CRPPA: variants seen among roughly 807,000 people sequenced by gnomAD.
CRPPA encodes the protein CDP-L-ribitol pyrophosphorylase A, also known as D-ribitol-5-phosphate cytidylyltransferase.
Under a neutral mutation model 52.0 loss-of-function variants are expected in CRPPA, and 43 were observed. The observed-to-expected ratio is 0.83, with a 90% CI of 0.65 to 1.07. The LOEUF (loss-of-function observed/expected upper bound fraction) is 1.07. Among genes scored for constraint, CRPPA ranks in the 50% least tolerant of loss-of-function variants. The probability of loss-of-function intolerance (pLI) is 0.00; values close to 1 mark genes in which losing one functional copy is unlikely to be tolerated. For missense variants in CRPPA, 629 were observed against 551.7 expected, an observed-to-expected ratio of 1.14 and a Z score of -1.40; for synonymous variants, 250 against 203.5, an observed-to-expected ratio of 1.23 and a Z score of -1.94.
In CRPPA at chr7:16,258,968, A is replaced by C; in HGVS notation, c.978T>G (p.His326Gln). The change falls in exon 7 of 10, where the codon CAT becomes CAG. Residue 326 changes from histidine to glutamine, a missense_variant. Physicochemically the swap from His to Gln is conservative, Grantham distance 24. Transcript: ENST00000407010. ...TSEALGHAGR[H>Q]LQQIILDQCY... ...ATTGATCTAAGATGATTTGCTGAAG[A>C]TGTCTGCCAGCATGACCCAGAGCCT... The C allele has an allele frequency of 6.2e-7, 1 of 1,611,512 alleles. No individual in the cohort carries two copies. Among genetic ancestry groups the C allele is most frequent in the Non-Finnish European group, 8.5e-7 (1 of 1,178,542 alleles).
intron 5 of CRPPA, among the ~76,000 whole-genome samples, chr7:16,296,100 T>G (rs1784669304): frequency 6.6e-6 from 1 of 152,144 alleles, no homozygotes; most frequent in Non-Finnish European, 1.5e-5. Flanking sequence ...CAAATGAAAC[T>G]ACCACTTTCT....
intron 9 of CRPPA, among the ~76,000 whole-genome samples, chr7:16,210,337 A>T (rs540910012): frequency 6.1e-4 from 92 of 151,998 alleles, no homozygotes; most frequent in Non-Finnish European, 8.7e-4. Context: ...CCCAATGATA[A>T]CCCTTGTGTA....
chr7:16,259,858 T>C (rs759893317), intron 6 of CRPPA, among the ~76,000 whole-genome samples: 6 of 152,028 alleles, frequency 3.9e-5, no homozygotes, highest in Non-Finnish European at 7.4e-5. Flanking sequence ...ACTCTGTACA[T>C]TATCTATTTA....
chr7:16,400,436 C>G (rs535904853), intron 2 of CRPPA, among the ~76,000 whole-genome samples: 1 of 152,278 alleles, frequency 6.6e-6, no homozygotes, highest in East Asian at 1.9e-4. Flanking sequence ...ATATGATCGA[C>G]TTGTGATCAA....
At chr7:16,345,493 C>T (rs1221174399) in intron 3 of CRPPA, among the ~76,000 whole-genome samples, 1 of 151,878 alleles carries the variant, frequency 6.6e-6, no homozygotes, top group Admixed American at 6.6e-5. Flanking sequence ...CCTTTTATTG[C>T]CCTGATTTAT....
At chr7:16,398,467 A>G (rs551749895) in intron 2 of CRPPA, among the ~76,000 whole-genome samples, 20 of 152,138 alleles carry the variant, frequency 1.3e-4, no homozygotes, top group African/African-American at 4.3e-4. Flanking sequence ...CACGTGTGCG[A>G]TTGACATGAT....
At chr7:16,094,969 G>C (rs1008124113) in intron 9 of CRPPA, among the ~76,000 whole-genome samples, 3 of 152,050 alleles carry the variant, frequency 2.0e-5, no homozygotes, top group African/African-American at 7.2e-5. Context: ...TAGAACTATG[G>C]AAATCTCACT....
chr7:16,389,922 A>ATATATATATATATATATATATAT (rs1163713598), intron 2 of CRPPA, among the ~76,000 whole-genome samples: 1 of 62,262 alleles, frequency 1.6e-5, no homozygotes, highest in African/African-American at 7.0e-5. Context: ...ACAAAAAAAA[A>ATATATATATATATATATATATAT]AAAAAAATAT....
At chr7:16,126,011 T>C (rs1782572729) in intron 9 of CRPPA, among the ~76,000 whole-genome samples, 1 of 149,982 alleles carries the variant, frequency 6.7e-6, no homozygotes, top group South Asian at 2.1e-4. Flanking sequence ...TTCTGAGAAA[T>C]AGAAAAAAAT....
At chr7:16,120,651 G>A (rs908603663) in intron 9 of CRPPA, among the ~76,000 whole-genome samples, 1 of 152,004 alleles carries the variant, frequency 6.6e-6, no homozygotes, top group African/African-American at 2.4e-5. Context: ...TTTCCTTGCT[G>A]TATTCAAAGT....
chr7:16,327,142 A>G (rs1390433096), intron 3 of CRPPA, among the ~76,000 whole-genome samples: 1 of 152,146 alleles, frequency 6.6e-6, no homozygotes, highest in African/African-American at 2.4e-5. Context: ...TCAAACAAAC[A>G]GTTCTTTTGC....
At chr7:16,195,767 C>T (rs1389123197) in intron 9 of CRPPA, among the ~76,000 whole-genome samples, 1 of 152,154 alleles carries the variant, frequency 6.6e-6, no homozygotes, top group East Asian at 1.9e-4. Flanking sequence ...TTCTTGCCAT[C>T]ATGATTACAG....
At chr7:16,100,176 T>TTA (rs1782013473) in intron 9 of CRPPA, among the ~76,000 whole-genome samples, 1 of 152,216 alleles carries the variant, frequency 6.6e-6, no homozygotes, top group Admixed American at 6.5e-5. Flanking sequence ...AGTATAATCA[T>TTA]TATTATTTCT....
chr7:16,109,844 G>C (rs1027354719), intron 9 of CRPPA, among the ~76,000 whole-genome samples: 15 of 151,970 alleles, frequency 9.9e-5, no homozygotes, highest in African/African-American at 3.6e-4. Flanking sequence ...TTATGCCACA[G>C]CTAACAGTAT....
chr7:16,352,377 T>C (rs1338033759), intron 3 of CRPPA, among the ~76,000 whole-genome samples: 1 of 151,802 alleles, frequency 6.6e-6, no homozygotes, highest in Admixed American at 6.6e-5. Flanking sequence ...AACCTGCACA[T>C]TCTGCATATG....
intron 4 of CRPPA, among the ~76,000 whole-genome samples, chr7:16,306,112 C>T (rs1028427816): frequency 1.1e-4 from 17 of 152,270 alleles, no homozygotes; most frequent in Middle Eastern, 3.4e-3. Flanking sequence ...CTCTTCTATT[C>T]TTGTACAGAT....
intron 6 of CRPPA, among the ~76,000 whole-genome samples, chr7:16,265,241 T>C (rs755764852): frequency 3.9e-5 from 6 of 152,148 alleles, no homozygotes; most frequent in African/African-American, 7.2e-5. Context: ...ACTTAAACCC[T>C]AGCTAGCTGG....
intron 9 of CRPPA, among the ~76,000 whole-genome samples, chr7:16,175,007 T>C (rs1781266277): frequency 1.3e-5 from 2 of 152,144 alleles, no homozygotes; most frequent in Non-Finnish European, 2.9e-5. Flanking sequence ...ATTTTGTTGG[T>C]TTTTGAGCAA....
chr7:16,334,970 A>G (rs1583528014), intron 3 of CRPPA, among the ~76,000 whole-genome samples: 4 of 152,178 alleles, frequency 2.6e-5, no homozygotes, highest in Admixed American at 6.5e-5. Context: ...CAGTAATAGA[A>G]CCCAAAGAAA....
Sources: allele counts gnomAD v4.1 joint callset (sites outside exome capture counted in the v4.1 genomes callset), GRCh38; gene constraint gnomAD v4.1.1; transcripts MANE v1.5; gene names NCBI Gene and HGNC (gene_info 2026-07-23, HGNC 2026-07-21).